LANCL3: variants seen among roughly 807,000 people sequenced by gnomAD.
LANCL3 encodes the protein lanC-like protein 3.
In LANCL3, 19 loss-of-function variants were observed where a neutral mutation model predicts 26.5. The ratio of observed to expected loss-of-function variants is 0.72; its 90% CI spans 0.50 to 1.05. The LOEUF (loss-of-function observed/expected upper bound fraction) is 1.05. Among genes scored for constraint, LANCL3 ranks in the 50% least tolerant of loss-of-function variants. The pLI, the probability that LANCL3 is intolerant of heterozygous loss-of-function variation, is 0.00. For synonymous variants in LANCL3, 160 were observed against 166.6 expected, an observed-to-expected ratio of 0.96 and a Z score of 0.30; for missense variants, 318 against 362.7, an observed-to-expected ratio of 0.88 and a Z score of 1.00.
intron 4 of LANCL3, among the ~76,000 whole-genome samples, chrX:37,674,029 A>G (rs966624288): frequency 2.7e-5 from 3 of 111,937 alleles, no homozygotes; most frequent in Non-Finnish European, 5.7e-5. Flanking sequence ...CAGTTCTGCA[A>G]CTTCACCATT....
intron 1 of LANCL3, among the ~76,000 whole-genome samples, chrX:37,637,030 C>A (rs3117506): frequency 0.23 from 25,964 of 110,962 alleles, 2,607 homozygotes; most frequent in African/African-American, 0.4. Context: ...ATATTCAGAG[C>A]TGAGAAAGCA....
chrX:37,643,009 T>A (rs1925905213), intron 1 of LANCL3, among the ~76,000 whole-genome samples: 1 of 112,093 alleles, frequency 8.9e-6, no homozygotes, highest in Non-Finnish European at 1.9e-5. Context: ...GGTTTGAGAA[T>A]ACTGTAATGA....
At position 37,675,706 on chromosome X, in the gene LANCL3, G is replaced by C. The variant is rs1556436976; in HGVS notation, c.1156G>C (p.Glu386Gln). 1 of 1,156,698 alleles carries C rather than the reference G, an allele frequency of 8.6e-7. No individual in the cohort carries two copies. The highest frequency in any genetic ancestry group is 2.7e-5 in the Admixed American group (1 of 37,678). The change falls in exon 5 of 5, where the codon GAA becomes CAA. Residue 386 changes from glutamate to glutamine, a missense_variant. Transcript: ENST00000378619. Reference sequence around the variant, plus strand: ...ATTCAAGGCCGGTTCTCGGGTCCTTGAAAGTATATACAGCTTGTATGAAGG... The same window carrying C: ...ATTCAAGGCCGGTTCTCGGGTCCTTCAAAGTATATACAGCTTGTATGAAGG... ...EEFKAGSRVL[E>Q]SIYSLYEGFS...
At chrX:37,576,026 G>T (rs1314861520) in intron 1 of LANCL3, among the ~76,000 whole-genome samples, 1 of 111,688 alleles carries the variant, frequency 9.0e-6, no homozygotes, top group Non-Finnish European at 1.9e-5. Context: ...ACTTTGTGTT[G>T]GCTACTAGGG....
intron 3 of LANCL3, among the ~76,000 whole-genome samples, chrX:37,665,862 G>A (rs1457653461): frequency 2.0e-4 from 22 of 112,385 alleles, no homozygotes; most frequent in African/African-American, 6.8e-4. Flanking sequence ...AGGGCTGTGC[G>A]TACAGTACAT....
At chrX:37,606,266 C>G (rs1157778051) in intron 1 of LANCL3, among the ~76,000 whole-genome samples, 1 of 111,359 alleles carries the variant, frequency 9.0e-6, no homozygotes, top group Non-Finnish European at 1.9e-5. Context: ...ACATAGGCAC[C>G]CCCTGCCCAA....
At position 37,659,516 on chromosome X, in the gene LANCL3, A is replaced by G. The variant is rs1926364682; in HGVS notation, c.752A>G (p.His251Arg). 8.3e-6 allele frequency: 10 copies of G among 1,208,834 alleles called. No homozygotes were observed. Among genetic ancestry groups the G allele is most frequent in the Non-Finnish European group, 1.0e-5 (9 of 894,678 alleles). The change falls in exon 3 of 5, where the codon CAT (histidine) becomes CGT (arginine). Residue 251 changes from histidine (H) to arginine (R), a missense_variant. Coordinates refer to ENST00000378619, the MANE Select transcript of LANCL3 (RefSeq NM_001170331.2). ...ILQMLLSYHEHLKPSDRELVW... is the reference protein window; with the variant it reads ...ILQMLLSYHERLKPSDRELVW... ...CAGATGCTTCTTTCTTACCATGAGCATCTCAAGCCCTCAGATCGGGAATTG... is the reference window on the plus strand; with the variant it reads ...CAGATGCTTCTTTCTTACCATGAGCGTCTCAAGCCCTCAGATCGGGAATTG...
intron 3 of LANCL3, among the ~76,000 whole-genome samples, chrX:37,666,578 A>G (rs1556434054): frequency 8.9e-6 from 1 of 112,101 alleles, no homozygotes; most frequent in Non-Finnish European, 1.9e-5. Context: ...TCCTCACTGA[A>G]TATGAACACC....
At chrX:37,656,541 T>C (rs1926289402) in intron 2 of LANCL3, among the ~76,000 whole-genome samples, 1 of 112,465 alleles carries the variant, frequency 8.9e-6, no homozygotes, top group African/African-American at 3.2e-5. Context: ...ATTAATCTGC[T>C]GAAAAATGTT....
chrX:37,649,502 C>T (rs1355449495), intron 1 of LANCL3, among the ~76,000 whole-genome samples: 4 of 111,377 alleles, frequency 3.6e-5, no homozygotes, highest in African/African-American at 9.8e-5. Flanking sequence ...TCAATAGGTA[C>T]AGCAAACCAC....
At chrX:37,626,989 G>A (rs943992832) in intron 1 of LANCL3, among the ~76,000 whole-genome samples, 1 of 111,861 alleles carries the variant, frequency 8.9e-6, no homozygotes, top group East Asian at 2.8e-4. Flanking sequence ...ATTTAGAGGT[G>A]CTTGCTAAGA....
At chrX:37,657,010 T>C (rs781877022) in intron 2 of LANCL3, among the ~76,000 whole-genome samples, 7 of 112,841 alleles carry the variant, frequency 6.2e-5, no homozygotes, top group Non-Finnish European at 1.1e-4. Context: ...ATTGAGTGTG[T>C]AATAATGAGC....
chrX:37,576,844 T>C (rs1358938407), intron 1 of LANCL3, among the ~76,000 whole-genome samples: 2 of 112,150 alleles, frequency 1.8e-5, no homozygotes, highest in Non-Finnish European at 3.8e-5. Flanking sequence ...GGGAACCAAG[T>C]GGCTGCTCTA....
At chrX:37,574,261 C>T (rs1602088932) in intron 1 of LANCL3, among the ~76,000 whole-genome samples, 2 of 110,800 alleles carry the variant, frequency 1.8e-5, no homozygotes, top group African/African-American at 3.3e-5. Context: ...ATCCCCTCCC[C>T]GCAAATCCTA....
At chrX:37,646,811 C>T (rs991821707) in intron 1 of LANCL3, among the ~76,000 whole-genome samples, 15 of 111,099 alleles carry the variant, frequency 1.4e-4, no homozygotes, top group African/African-American at 3.6e-4. Flanking sequence ...ATCCTCAAAC[C>T]TGTCTGGAGG....
Position 37,572,348 on chromosome X carries a change from G to C in LANCL3, c.478G>C (p.Val160Leu), listed in dbSNP as rs1569459987. ...GGCTCTGTGTGCCGTCTGCGCGCCG[G>C]TCTCCTTCCTGGAGTGCGGCTCCGA... ...FRALCAVCAP[V>L]SFLECGSDEL... is the part of the protein sequence containing the mutation. Residue 160 changes from valine (V) to leucine (L), a missense_variant, in exon 1 of 5, where the codon GTC becomes CTC. Val to Leu is a conservative substitution (Grantham distance 32). Coordinates refer to ENST00000378619, the MANE Select transcript of LANCL3 (RefSeq NM_001170331.2). 2 of 1,166,729 alleles carry C rather than the reference G, an allele frequency of 1.7e-6. No individual in the cohort carries two copies. Among genetic ancestry groups the C allele is most frequent in the East Asian group, 3.2e-5 (1 of 30,910 alleles).
chrX:37,614,396 G>A lies in LANCL3; in HGVS notation c.574-41292G>A, dbSNP rs782494965. 8.0e-4 allele frequency among the ~76,000 whole-genome samples: 89 copies of A among 111,861 alleles called. 1 individual carries two copies. Among genetic ancestry groups the A allele is most frequent in the Non-Finnish European group, 1.4e-3 (76 of 53,129 alleles). Reference sequence around the variant, plus strand: ...GGCAGCCAAATTTGAGCACCACTGCGGGACACATTTTGTTTTAGGAAATAG... The same window carrying A: ...GGCAGCCAAATTTGAGCACCACTGCAGGACACATTTTGTTTTAGGAAATAG... On this transcript the variant is annotated intron_variant, in intron 1 of 4. Transcript: ENST00000378619.
At chrX:37,673,979 C>G (rs1158527967) in intron 4 of LANCL3, among the ~76,000 whole-genome samples, 1 of 111,377 alleles carries the variant, frequency 9.0e-6, no homozygotes, top group Non-Finnish European at 1.9e-5. Flanking sequence ...TTCTCAGAAC[C>G]TGATATATAA....
chrX:37,642,626 AAAGCTTTCC>A (rs1330774178), intron 1 of LANCL3, among the ~76,000 whole-genome samples: 19 of 112,020 alleles, frequency 1.7e-4, no homozygotes, highest in Non-Finnish European at 3.2e-4. Flanking sequence ...TATGAAACAA[AAAGCTTTCC>A]ATGAAGCTCC....
Sources: gnomAD v4.1 joint callset for allele counts (sites outside exome capture counted in the v4.1 genomes callset) on GRCh38, gnomAD v4.1.1 for gene constraint, MANE v1.5 for transcripts, NCBI Gene and HGNC (gene_info 2026-07-23, HGNC 2026-07-21) for gene names.